The following PLXNA4 variants were observed in gnomAD, a reference collection of about 807,000 sequenced individuals.
The protein encoded by PLXNA4 is plexin-A4.
In PLXNA4, 44 loss-of-function variants were observed where a neutral mutation model predicts 191.8. The observed-to-expected ratio is 0.23, with a 90% CI of 0.18 to 0.29. The LOEUF (loss-of-function observed/expected upper bound fraction) is 0.29. Among genes scored for constraint, PLXNA4 ranks in the 10% least tolerant of loss-of-function variants. The pLI is 1.00. For synonymous variants in PLXNA4, 1,082 were observed against 1,009.5 expected (o/e 1.07, Z -1.36); for missense variants, 1,800 against 2,488.8 (o/e 0.72, Z 5.89).
intron 3 of PLXNA4, among the ~76,000 whole-genome samples, chr7:132,377,426 A>C (rs1343471325): frequency 1.3e-5 from 2 of 151,752 alleles, no homozygotes; most frequent in African/African-American, 4.8e-5. Context: ...GAAAAAGAAA[A>C]AAAAAAAAAA....
intron 14 of PLXNA4, among the ~76,000 whole-genome samples, chr7:132,189,745 G>A (rs918037921): frequency 1.3e-5 from 2 of 152,198 alleles, no homozygotes. Context: ...TGTGATAGAT[G>A]GGGGTTCTGT....
intron 4 of PLXNA4, among the ~76,000 whole-genome samples, chr7:132,289,910 G>A (rs1236754431): frequency 6.6e-6 from 1 of 151,760 alleles, no homozygotes; most frequent in East Asian, 1.9e-4. Context: ...ACGAATGAAT[G>A]AATCAGGCCT....
chr7:132,634,932 T>C (rs931096016), intron 2 of PLXNA4, among the ~76,000 whole-genome samples: 2 of 152,084 alleles, frequency 1.3e-5, no homozygotes, highest in Non-Finnish European at 2.9e-5. Context: ...GTGTGCACCA[T>C]CTAATCAGCT....
chr7:132,404,979 G>A (rs867308154), intron 3 of PLXNA4, among the ~76,000 whole-genome samples: 1 of 152,108 alleles, frequency 6.6e-6, no homozygotes, highest in African/African-American at 2.4e-5. Flanking sequence ...TGAAGGATCT[G>A]AGTCTGACGT....
chr7:132,552,151 G>C (rs551702921), intron 1 of PLXNA4, among the ~76,000 whole-genome samples: 1 of 152,150 alleles, frequency 6.6e-6, no homozygotes, highest in Non-Finnish European at 1.5e-5. Context: ...GAAAGCTCCC[G>C]GTGAGAGTTA....
intron 1 of PLXNA4, among the ~76,000 whole-genome samples, chr7:132,522,025 T>C (rs939708710): frequency 3.3e-5 from 5 of 152,114 alleles, no homozygotes; most frequent in African/African-American, 1.2e-4. Flanking sequence ...AGAAGCTGTG[T>C]CCATGGGGAA....
intron 1 of PLXNA4, among the ~76,000 whole-genome samples, chr7:132,511,158 G>C (rs1446668477): frequency 6.6e-6 from 1 of 152,188 alleles, no homozygotes; most frequent in Non-Finnish European, 1.5e-5. Flanking sequence ...GGCAGAAAGA[G>C]GGGCTGGAAG....
intron 1 of PLXNA4, among the ~76,000 whole-genome samples, chr7:132,524,878 A>C (rs1799338428): frequency 1.3e-5 from 2 of 151,548 alleles, no homozygotes; most frequent in Admixed American, 1.3e-4. Context: ...GACTTTTTTC[A>C]AAAAAAACAT....
chr7:132,165,029 G>A (rs1414762210), intron 23 of PLXNA4, 105 bp downstream of exon 23: 8 of 1,482,494 alleles, frequency 5.4e-6, no homozygotes, highest in Non-Finnish European at 7.2e-6. Flanking sequence ...GGGGTTATAA[G>A]AGCCAGGCCC....
chr7:132,629,329 C>T (rs1388968890), intron 2 of PLXNA4, among the ~76,000 whole-genome samples: 1 of 152,170 alleles, frequency 6.6e-6, no homozygotes, highest in Non-Finnish European at 1.5e-5. Context: ...GAGAGGAAAG[C>T]TTCATTCCTG....
chr7:132,263,513 T>C (rs1485959040), intron 4 of PLXNA4, among the ~76,000 whole-genome samples: 2 of 152,206 alleles, frequency 1.3e-5, no homozygotes, highest in African/African-American at 4.8e-5. Context: ...CTACCTGGGT[T>C]GTTCTGAGAG....
At chr7:132,262,777 C>T (rs1208454584) in intron 4 of PLXNA4, among the ~76,000 whole-genome samples, 1 of 151,982 alleles carries the variant, frequency 6.6e-6, no homozygotes, top group Non-Finnish European at 1.5e-5. Context: ...AGTGGGGAGG[C>T]TGGGGAGGAA....
At position 132,480,053 on chromosome 7, in the gene PLXNA4, C is replaced by T. The variant is rs576476245; in HGVS notation, c.1371+9239G>A. On this transcript the variant is annotated intron_variant, in intron 3 of 31. Coordinates refer to ENST00000321063, the MANE Select transcript of PLXNA4 (RefSeq NM_020911.2). ...ACCTCCCATTCAATCATACTATTAC[C>T]CCAAGTCCCCATATCTATAAAGAAA... 2.0e-4 allele frequency among the ~76,000 whole-genome samples: 31 copies of T among 152,288 alleles called. No individual in the cohort carries two copies. The East Asian group carries it at 2.1e-3, about 10-fold the overall frequency.
chr7:132,393,349 G>T (rs1206623376), intron 3 of PLXNA4, among the ~76,000 whole-genome samples: 1 of 151,756 alleles, frequency 6.6e-6, no homozygotes, highest in African/African-American at 2.4e-5. Flanking sequence ...GCAGTGAATG[G>T]GTACCTTGAT....
At chr7:132,432,582 G>A (rs934452899) in intron 3 of PLXNA4, among the ~76,000 whole-genome samples, 3 of 152,128 alleles carry the variant, frequency 2.0e-5, no homozygotes, top group African/African-American at 2.4e-5. Flanking sequence ...AGAAGGGGAG[G>A]AGGTCTGCTT....
intron 3 of PLXNA4, among the ~76,000 whole-genome samples, chr7:132,483,978 A>G (rs1247101784): frequency 6.6e-6 from 1 of 152,024 alleles, no homozygotes; most frequent in Non-Finnish European, 1.5e-5. Context: ...GAGATCCCCC[A>G]GGGATGTGCA....
intron 3 of PLXNA4, among the ~76,000 whole-genome samples, chr7:132,421,911 T>C (rs1238453218): frequency 6.6e-6 from 1 of 152,174 alleles, no homozygotes; most frequent in East Asian, 1.9e-4. Flanking sequence ...GCTGCAACCC[T>C]GGGCAAGCCA....
At chr7:132,569,760 G>A (rs1264067193) in intron 1 of PLXNA4, among the ~76,000 whole-genome samples, 1 of 152,204 alleles carries the variant, frequency 6.6e-6, no homozygotes, top group African/African-American at 2.4e-5. Context: ...CTAAGTAGCT[G>A]TCTCTTTCCT....
intron 30 of PLXNA4, among the ~76,000 whole-genome samples, chr7:132,135,676 G>A (rs908844219): frequency 2.0e-5 from 3 of 152,226 alleles, no homozygotes; most frequent in Non-Finnish European, 4.4e-5. Context: ...ATGTGTGTGT[G>A]AGAAAGACAG....
Sources: allele counts gnomAD v4.1 joint callset (sites outside exome capture counted in the v4.1 genomes callset), GRCh38; gene constraint gnomAD v4.1.1; transcripts MANE v1.5; gene names NCBI Gene and HGNC (gene_info 2026-07-23, HGNC 2026-07-21).